DPP6: variants seen among roughly 807,000 people sequenced by gnomAD.
DPP6 encodes dipeptidyl peptidase like 6.
A neutral mutation model predicts 122.6 loss-of-function variants in DPP6; 69 were observed. That is an observed-to-expected ratio of 0.56 (90% CI 0.46 to 0.69). The LOEUF (loss-of-function observed/expected upper bound fraction) is 0.69. Ranked by LOEUF, DPP6 falls within the 30% of genes least tolerant of loss-of-function variation. The pLI, the probability that DPP6 is intolerant of heterozygous loss-of-function variation, is 0.00. For synonymous variants in DPP6, 418 were observed against 433.1 expected (o/e 0.97, Z 0.43); for missense variants, 928 against 1,116.9 (o/e 0.83, Z 2.41).
At chr7:154,786,549 C>T (rs1034316440) in intron 10 of DPP6, among the ~76,000 whole-genome samples, 2 of 152,138 alleles carry the variant, frequency 1.3e-5, no homozygotes, top group African/African-American at 4.8e-5. Context: ...CTGGGCACTT[C>T]TCCTTGCCAC....
chr7:154,196,765 A>C (rs1798889227), intron 1 of DPP6, among the ~76,000 whole-genome samples: 1 of 152,082 alleles, frequency 6.6e-6, no homozygotes, highest in African/African-American at 2.4e-5. Context: ...GGGAGCCTTC[A>C]CCCTTTCAGG....
At chr7:154,726,307 C>T (rs761408047) in intron 7 of DPP6, among the ~76,000 whole-genome samples, 1 of 152,202 alleles carries the variant, frequency 6.6e-6, no homozygotes. Flanking sequence ...AGGGCTTCAC[C>T]CCACAACAGA....
At chr7:154,021,515 C>T (rs1798698822) in intron 1 of DPP6, among the ~76,000 whole-genome samples, 1 of 152,152 alleles carries the variant, frequency 6.6e-6, no homozygotes, top group Non-Finnish European at 1.5e-5. Flanking sequence ...TCCTTTCCAG[C>T]CTACAACCAT....
chr7:154,098,944 C>A (rs567424527), intron 1 of DPP6, among the ~76,000 whole-genome samples: 119 of 152,324 alleles, frequency 7.8e-4, no homozygotes, highest in African/African-American at 2.8e-3. Flanking sequence ...TAAATCATGC[C>A]AATCTGCTCA....
the DPP6 span, among the ~76,000 whole-genome samples, chr7:153,867,266 T>A: frequency 7.9e-4 from 121 of 152,312 alleles, 1 homozygote; most frequent in African/African-American, 2.6e-3. Flanking sequence ...ACGATATTGA[T>A]TCTTCCTACC....
intron 1 of DPP6, among the ~76,000 whole-genome samples, chr7:154,036,020 TTGTGTG>T (rs1162400104): frequency 1.3e-4 from 7 of 54,548 alleles, no homozygotes; most frequent in African/African-American, 4.6e-4. Context: ...GCGCGCGCGC[TTGTGTG>T]TGTGTGTGTG....
chr7:154,458,440 C>T (rs1454772198), intron 2 of DPP6, among the ~76,000 whole-genome samples: 1 of 152,110 alleles, frequency 6.6e-6, no homozygotes, highest in Non-Finnish European at 1.5e-5. Flanking sequence ...TTATAAATTA[C>T]CCAGTCTCAG....
intron 1 of DPP6, among the ~76,000 whole-genome samples, chr7:154,113,083 A>G (rs982196378): frequency 6.6e-6 from 1 of 152,194 alleles, no homozygotes; most frequent in African/African-American, 2.4e-5. Flanking sequence ...ATAATACTTG[A>G]TGGTATATAT....
intron 1 of DPP6, among the ~76,000 whole-genome samples, chr7:154,293,122 A>T (rs1805314591): frequency 6.6e-6 from 1 of 152,080 alleles, no homozygotes; most frequent in Non-Finnish European, 1.5e-5. Flanking sequence ...TTTTAATTTG[A>T]TAGGCTGAGG....
In DPP6 at chr7:154,540,575, G is replaced by C; in HGVS notation, c.501G>C (p.Leu167=). The change falls in exon 4 of 26, where the codon CTG becomes CTC. Residue 167 remains leucine (L), a synonymous_variant. Transcript: ENST00000377770. The stretch of plus-strand genomic sequence containing the variant: ...GAGAACAGAAAGGAACAGTGAGACT[G>C]TGGAATGTTGAAACAAATACTTCTA... ...IYREQKGTVR[L]WNVETNTSTV... The C allele has an allele frequency of 6.2e-7, 1 of 1,607,392 alleles. No individual in the cohort carries two copies. The highest frequency in any genetic ancestry group is 8.5e-7 in the Non-Finnish European group (1 of 1,177,240).
chr7:154,543,499 TC>T (rs1409452248), intron 4 of DPP6, among the ~76,000 whole-genome samples: 1 of 152,208 alleles, frequency 6.6e-6, no homozygotes, highest in Non-Finnish European at 1.5e-5. Flanking sequence ...ATTTTGTCAA[TC>T]CAGCAGGAAA....
At chr7:154,225,083 A>C (rs564701067) in intron 1 of DPP6, among the ~76,000 whole-genome samples, 79 of 152,296 alleles carry the variant, frequency 5.2e-4, no homozygotes, top group Admixed American at 1.2e-3. Flanking sequence ...TGAAGGTTGC[A>C]GTGAGCCGAG....
intron 16 of DPP6, among the ~76,000 whole-genome samples, chr7:154,836,513 T>C (rs2150535596): frequency 6.6e-6 from 1 of 152,358 alleles, no homozygotes; most frequent in African/African-American, 2.4e-5. Flanking sequence ...CGAATTATAT[T>C]TCCACTTCCT....
intron 1 of DPP6, among the ~76,000 whole-genome samples, chr7:154,178,144 G>C (rs1031819072): frequency 4.6e-5 from 7 of 152,174 alleles, no homozygotes; most frequent in African/African-American, 1.7e-4. Flanking sequence ...CCTTACAGAA[G>C]GTGGAAGTTA....
chr7:154,778,844 C>A (rs911147088), intron 10 of DPP6, among the ~76,000 whole-genome samples: 2 of 146,760 alleles, frequency 1.4e-5, no homozygotes, highest in African/African-American at 5.2e-5. Context: ...GTACAACCTC[C>A]ACCACCACCA....
At chr7:154,071,073 A>T (rs1803090637) in intron 1 of DPP6, among the ~76,000 whole-genome samples, 1 of 152,212 alleles carries the variant, frequency 6.6e-6, no homozygotes. Flanking sequence ...GAATGATGTT[A>T]TGATGAATTT....
chr7:154,234,286 G>T (rs1002659784), intron 1 of DPP6, among the ~76,000 whole-genome samples: 3 of 152,204 alleles, frequency 2.0e-5, no homozygotes, highest in African/African-American at 4.8e-5. Flanking sequence ...AACAGCCTAT[G>T]AGTAGTATTT....
chr7:154,427,731 C>T (rs910739020), intron 1 of DPP6, among the ~76,000 whole-genome samples: 3 of 152,154 alleles, frequency 2.0e-5, no homozygotes, highest in African/African-American at 7.2e-5. Context: ...GCAAGCTGTT[C>T]ATGGAAGGAA....
chr7:153,968,540 C>G (rs1373239823), intron 1 of DPP6: 1 of 151,608 alleles, frequency 6.6e-6, no homozygotes. Context: ...ATATCATGAC[C>G]TAAGTTTAGA....
Sources: gnomAD v4.1 joint callset for allele counts (sites outside exome capture counted in the v4.1 genomes callset) on GRCh38, gnomAD v4.1.1 for gene constraint, MANE v1.5 for transcripts, NCBI Gene and HGNC (gene_info 2026-07-23, HGNC 2026-07-21) for gene names.